The following OR51B5 variants were observed in gnomAD, a reference collection of about 807,000 sequenced individuals.
OR51B5 encodes olfactory receptor 51B5.
For missense variants in OR51B5, 456 were observed against 374.6 expected (o/e 1.22, Z -1.79); for synonymous variants, 186 against 144.8 (o/e 1.28, Z -2.04).
At chr11:5,412,820 CA>C (rs1390332011) in intron 1 of OR51B5, among the ~76,000 whole-genome samples, 1 of 152,006 alleles carries the variant, frequency 6.6e-6, no homozygotes, top group African/African-American at 2.4e-5. Context: ...CACCACAGCT[CA>C]AGGAGGCCTG....
chr11:5,459,853 C>T (rs961503570), intron 1 of OR51B5, among the ~76,000 whole-genome samples: 4 of 152,108 alleles, frequency 2.6e-5, no homozygotes, highest in African/African-American at 7.2e-5. Flanking sequence ...ACAGGACAAC[C>T]ATTCAACCCA....
chr11:5,399,197 G>A (rs563911273), intron 1 of OR51B5, among the ~76,000 whole-genome samples: 5 of 152,152 alleles, frequency 3.3e-5, no homozygotes, highest in Non-Finnish European at 7.4e-5. Context: ...CTTATGTCTG[G>A]TTTATATGCT....
At chr11:5,485,161 C>T (rs1338811851) in intron 1 of OR51B5, among the ~76,000 whole-genome samples, 1 of 152,086 alleles carries the variant, frequency 6.6e-6, no homozygotes, top group Non-Finnish European at 1.5e-5. Context: ...GCTGTTCTCC[C>T]CTTCACTCTT....
chr11:5,496,285 C>G (rs1399352145), intron 1 of OR51B5, among the ~76,000 whole-genome samples: 3 of 152,234 alleles, frequency 2.0e-5, no homozygotes, highest in Admixed American at 6.5e-5. Context: ...CCTCTAGAAA[C>G]TGTGATTATA....
downstream of OR51B5, among the ~76,000 whole-genome samples, chr11:5,341,517 G>A (rs1848892441): frequency 6.6e-6 from 1 of 152,128 alleles, no homozygotes; most frequent in Admixed American, 6.5e-5. Context: ...TCTGATTAAA[G>A]TATAATTAAG....
intron 1 of OR51B5, among the ~76,000 whole-genome samples, chr11:5,470,218 C>A (rs1851206468): frequency 6.6e-6 from 1 of 152,144 alleles, no homozygotes; most frequent in African/African-American, 2.4e-5. Context: ...AACTCATAGG[C>A]AATTCCCGTG....
intron 1 of OR51B5, chr11:5,488,872 A>G: frequency 2.5e-6 from 4 of 1,613,996 alleles, no homozygotes; most frequent in Non-Finnish European, 3.4e-6. Context: ...TGCCATGGAC[A>G]ATGCTCTTCA....
rs549723703 is a variant in OR51B5, at chr11:5,360,333, T to C, written n.85-13423A>G. On this transcript the variant is annotated intron_variant and non_coding_transcript_variant, in intron 1 of 4. Coordinates refer to the OR51B5 transcript ENST00000415970. ...ACCCCATCAAAAAGTGGGCAAAGGA[T>C]ATGAACAGACACTTCTCAAAAGAAG... Among the ~76,000 whole-genome samples the C allele has an allele frequency of 3.9e-3, 588 of 152,050 alleles. 2 individuals carry two copies. Among genetic ancestry groups the C allele is most frequent in the Middle Eastern group, 0.01 (3 of 294 alleles).
At chr11:5,382,901 C>T (rs1246697236) in intron 1 of OR51B5, among the ~76,000 whole-genome samples, 1 of 152,060 alleles carries the variant, frequency 6.6e-6, no homozygotes, top group African/African-American at 2.4e-5. Context: ...GAGCTCATCC[C>T]CACACAACTC....
At chr11:5,480,155 A>C (rs1229002495) in intron 1 of OR51B5, among the ~76,000 whole-genome samples, 1 of 152,106 alleles carries the variant, frequency 6.6e-6, no homozygotes, top group East Asian at 1.9e-4. Flanking sequence ...ATAACAAACT[A>C]TCTCTCAGAC....
At chr11:5,381,174 T>TCA (rs1554885859) in intron 1 of OR51B5, among the ~76,000 whole-genome samples, 120 of 148,410 alleles carry the variant, frequency 8.1e-4, no homozygotes, top group African/African-American at 2.4e-3. Flanking sequence ...TCTCTCTCTC[T>TCA]CACACACACA....
In OR51B5 at chr11:5,486,237, TTTTC is replaced by T. The variant is rs3068473; in HGVS notation, n.84+19328_84+19331del. 7.4e-3 allele frequency among the ~76,000 whole-genome samples: 1,078 copies of T among 146,402 alleles called. 14 individuals carry two copies. Among genetic ancestry groups the T allele is most frequent in the African/African-American group, 0.025 (1,024 of 40,168 alleles). On this transcript the variant is annotated intron_variant and non_coding_transcript_variant, in intron 1 of 4. Coordinates refer to the OR51B5 transcript ENST00000415970. ...AATTTACCCCACTCCCACTACCTCT[TTTTC>T]TTTCTGTTTTATTTTTTCAAAGTCC...
intron 1 of OR51B5, among the ~76,000 whole-genome samples, chr11:5,357,867 C>T (rs79305522): frequency 0.38 from 56,532 of 149,932 alleles, 10,882 homozygotes; most frequent in Non-Finnish European, 0.4. Context: ...ACATGGAAAC[C>T]GAACAAATTG....
chr11:5,463,136 G>A (rs977303497), intron 1 of OR51B5, among the ~76,000 whole-genome samples: 9 of 152,218 alleles, frequency 5.9e-5, no homozygotes, highest in East Asian at 1.9e-4. Flanking sequence ...AGACTTCTCC[G>A]CCAAAAATAT....
upstream of OR51B5, chr11:5,345,726 G>A (rs1848979854): frequency 6.6e-6 from 1 of 152,054 alleles, no homozygotes; most frequent in Non-Finnish European, 1.5e-5. Flanking sequence ...CTTTGTCAGT[G>A]TAAGGCACTA....
chr11:5,370,713 T>A (rs1335601182), intron 1 of OR51B5, among the ~76,000 whole-genome samples: 1 of 152,170 alleles, frequency 6.6e-6, no homozygotes, highest in African/African-American at 2.4e-5. Flanking sequence ...TCTGTTCCTA[T>A]GAAGCTTGTA....
chr11:5,406,306 A>T (rs1298726303), intron 1 of OR51B5, among the ~76,000 whole-genome samples: 1 of 152,130 alleles, frequency 6.6e-6, no homozygotes, highest in East Asian at 1.9e-4. Flanking sequence ...TCTAGAATGG[A>T]TTTCTTTATA....
chr11:5,442,207 C>T (rs1323710219), intron 1 of OR51B5, among the ~76,000 whole-genome samples: 1 of 152,130 alleles, frequency 6.6e-6, no homozygotes, highest in Non-Finnish European at 1.5e-5. Context: ...TAGTAAACTG[C>T]AACCTTTAAT....
At chr11:5,422,280 T>C in intron 1 of OR51B5, 1 of 1,614,096 alleles carries the variant, frequency 6.2e-7, no homozygotes, top group Non-Finnish European at 8.5e-7. Flanking sequence ...GCCTCCCACA[T>C]CTGGATCTCC....
Sources: gnomAD v4.1 joint callset for allele counts (sites outside exome capture counted in the v4.1 genomes callset) on GRCh38, gnomAD v4.1.1 for gene constraint, MANE v1.5 for transcripts, NCBI Gene and HGNC (gene_info 2026-07-23, HGNC 2026-07-21) for gene names.